MAGI2: variants seen among roughly 807,000 people sequenced by gnomAD.
The protein encoded by MAGI2 is membrane associated guanylate kinase, WW and PDZ domain containing 2, also known as membrane-associated guanylate kinase, WW and PDZ domain-containing protein 2.
A neutral mutation model predicts 133.3 loss-of-function variants in MAGI2; 35 were observed. The observed-to-expected ratio is 0.26, with a 90% CI of 0.20 to 0.35. The LOEUF (loss-of-function observed/expected upper bound fraction) is 0.35, where lower values mean the gene tolerates loss of function less well. MAGI2 is among the 10% of genes least tolerant of loss of function. The pLI, the probability that MAGI2 is intolerant of heterozygous loss-of-function variation, is 1.00. For missense variants in MAGI2, 1,636 were observed against 1,863.4 expected, an observed-to-expected ratio of 0.88 and a Z score of 2.25; for synonymous variants, 729 against 710.6, an observed-to-expected ratio of 1.03 and a Z score of -0.41.
chr7:78,680,777 T>C (rs1815562132), intron 2 of MAGI2, among the ~76,000 whole-genome samples: 1 of 152,182 alleles, frequency 6.6e-6, no homozygotes, highest in Non-Finnish European at 1.5e-5. Context: ...TCTGTGCTCC[T>C]TAGAGGAGTA....
intron 6 of MAGI2, among the ~76,000 whole-genome samples, chr7:78,444,108 T>C (rs1787892048): frequency 6.6e-6 from 1 of 152,060 alleles, no homozygotes; most frequent in Non-Finnish European, 1.5e-5. Context: ...ACATTTCAAC[T>C]CTCTGTTCAG....
chr7:79,284,376 T>G (rs1462222578), intron 1 of MAGI2, among the ~76,000 whole-genome samples: 2 of 152,110 alleles, frequency 1.3e-5, no homozygotes, highest in Non-Finnish European at 2.9e-5. Context: ...GCATATCCTC[T>G]ACCCTCTTAT....
chr7:78,688,145 C>A (rs1256014269), intron 2 of MAGI2, among the ~76,000 whole-genome samples: 2 of 151,982 alleles, frequency 1.3e-5, no homozygotes, highest in African/African-American at 4.8e-5. Context: ...CATTTAGCCT[C>A]TTGATTGATT....
At chr7:78,234,134 T>A (rs1790257368) in intron 10 of MAGI2, among the ~76,000 whole-genome samples, 1 of 152,170 alleles carries the variant, frequency 6.6e-6, no homozygotes, top group Non-Finnish European at 1.5e-5. Context: ...AATAAAAAAA[T>A]ACATAGCTAA....
chr7:79,225,773 G>A (rs1439999224), intron 1 of MAGI2, among the ~76,000 whole-genome samples: 1 of 152,164 alleles, frequency 6.6e-6, no homozygotes, highest in African/African-American at 2.4e-5. Context: ...TTTAGAGGAT[G>A]AGGATAATCC....
At chr7:78,537,635 T>C (rs890563940) in intron 3 of MAGI2, among the ~76,000 whole-genome samples, 5 of 152,336 alleles carry the variant, frequency 3.3e-5, no homozygotes, top group South Asian at 2.1e-4. Flanking sequence ...TGGCCATTTG[T>C]ATATCTTTTT....
At chr7:78,587,886 T>C (rs1434831738) in intron 3 of MAGI2, among the ~76,000 whole-genome samples, 2 of 152,254 alleles carry the variant, frequency 1.3e-5, no homozygotes, top group Non-Finnish European at 2.9e-5. Flanking sequence ...GGGTATTCAT[T>C]ACATTGGTTA....
rs774074082 is a variant in MAGI2, at chr7:78,017,486, T to C, written c.*1829A>G. ...GACGTGCAGCTACACTACAGAAGCATTGTCCAAAACCAGATTCAATAAATT... is the reference window on the plus strand; with the variant it reads ...GACGTGCAGCTACACTACAGAAGCACTGTCCAAAACCAGATTCAATAAATT... On this transcript the variant is annotated 3_prime_UTR_variant, in exon 22 of 22. Transcript: ENST00000354212. The C allele has an allele frequency of 6.6e-6, 1 of 152,488 alleles. No individual in the cohort carries two copies. Among genetic ancestry groups the C allele is most frequent in the East Asian group, 1.9e-4 (1 of 5,196 alleles). 9.4% of individuals were successfully genotyped at this position (152,488 alleles called of 1,614,324 possible). A position where few individuals can be genotyped will look rare whatever the true frequency, so the allele number is the denominator to read the frequency against.
intron 11 of MAGI2, among the ~76,000 whole-genome samples, chr7:78,200,641 C>T (rs935442024): frequency 1.3e-5 from 2 of 152,020 alleles, no homozygotes; most frequent in Admixed American, 6.6e-5. Context: ...TGTATACATA[C>T]ACATACCTAT....
At chr7:78,127,050 G>T in intron 19 of MAGI2, 147 bp downstream of exon 19, 1 of 575,184 alleles carries the variant, frequency 1.7e-6, no homozygotes, top group Admixed American at 3.5e-5. Context: ...GAGGATGCAG[G>T]TGTTACCCCG....
intron 21 of MAGI2, among the ~76,000 whole-genome samples, chr7:78,060,762 C>T (rs1216574073): frequency 2.6e-5 from 4 of 152,190 alleles, no homozygotes; most frequent in African/African-American, 9.7e-5. Flanking sequence ...AGGTCAATGA[C>T]AAGTGTTCCC....
At chr7:78,493,586 C>G (rs554823563) in intron 5 of MAGI2, among the ~76,000 whole-genome samples, 1 of 152,096 alleles carries the variant, frequency 6.6e-6, no homozygotes, top group Non-Finnish European at 1.5e-5. Flanking sequence ...CTGAAAGAGC[C>G]AGCTAGCATT....
rs952536372 is a variant in MAGI2, at chr7:78,564,872, C to T, written c.539-43227G>A. ...GCAGTGGCAGGATCTCTGCTCACTG[C>T]AAGCTCCGCCTCCCGGGTTCAGGCC... On this transcript the variant is annotated intron_variant, in intron 3 of 21. Transcript: ENST00000354212. Among the ~76,000 whole-genome samples the T allele has an allele frequency of 3.0e-5, 4 of 132,564 alleles. No individual in the cohort carries two copies. In the South Asian group the frequency reaches 7.7e-4, roughly 26 times the overall value. The allele number at this position is 132,564 out of a possible 152,430, so 87.0% of individuals were successfully genotyped here. A position where few individuals can be genotyped will look rare whatever the true frequency, so the allele number is the denominator to read the frequency against.
At chr7:79,078,905 T>G (rs1392598170) in intron 1 of MAGI2, among the ~76,000 whole-genome samples, 1 of 152,110 alleles carries the variant, frequency 6.6e-6, no homozygotes, top group Non-Finnish European at 1.5e-5. Flanking sequence ...CTCAGTGAGG[T>G]TTTAAATTCA....
chr7:79,248,750 C>T (rs1055270311), intron 1 of MAGI2, among the ~76,000 whole-genome samples: 1 of 151,942 alleles, frequency 6.6e-6, no homozygotes, highest in East Asian at 1.9e-4. Context: ...GGAAATTAGA[C>T]AATAAGCTCC....
At chr7:78,295,564 C>T (rs912924153) in intron 9 of MAGI2, among the ~76,000 whole-genome samples, 1 of 152,148 alleles carries the variant, frequency 6.6e-6, no homozygotes, top group African/African-American at 2.4e-5. Context: ...ACTTGGCTTC[C>T]AGAATACAGA....
Position 78,328,738 on chromosome 7 carries a change from C to T in MAGI2, c.1408+15040G>A, listed in dbSNP as rs565678771. ...CCTGTGGCAATCTAAGTAATTTTTT[C>T]ATACCAAATATTTTTCTTCTCTCAT... On this transcript the variant is annotated intron_variant, in intron 9 of 21. Coordinates refer to ENST00000354212, the MANE Select transcript of MAGI2 (RefSeq NM_012301.4). Among the ~76,000 whole-genome samples the T allele has an allele frequency of 4.6e-5, 7 of 152,182 alleles. No homozygotes were observed. In the East Asian group the frequency reaches 1.3e-3, roughly 29 times the overall value.
chr7:78,950,482 C>A (rs1231226746), intron 2 of MAGI2, among the ~76,000 whole-genome samples: 1 of 152,212 alleles, frequency 6.6e-6, no homozygotes, highest in Non-Finnish European at 1.5e-5. Context: ...GAACCTTACA[C>A]ATTTTTAGCA....
intron 3 of MAGI2, among the ~76,000 whole-genome samples, chr7:78,570,580 G>T (rs1801401446): frequency 6.6e-6 from 1 of 152,118 alleles, no homozygotes; most frequent in Non-Finnish European, 1.5e-5. Flanking sequence ...ACAGCATGCA[G>T]TTCTGTGATA....
Sources: gnomAD v4.1 joint callset for allele counts (sites outside exome capture counted in the v4.1 genomes callset) on GRCh38, gnomAD v4.1.1 for gene constraint, MANE v1.5 for transcripts, NCBI Gene and HGNC (gene_info 2026-07-23, HGNC 2026-07-21) for gene names.